ANKFN1: variants seen among roughly 807,000 people sequenced by gnomAD.
ANKFN1 encodes ankyrin repeat and fibronectin type-III domain-containing protein 1.
In ANKFN1, 74 loss-of-function variants were observed where a neutral mutation model predicts 108.7. The ratio of observed to expected loss-of-function variants is 0.68; its 90% CI spans 0.56 to 0.83. ANKFN1 has a LOEUF of 0.83. Ranked by LOEUF, ANKFN1 falls within the 40% of genes least tolerant of loss-of-function variation. The pLI, the probability that ANKFN1 is intolerant of heterozygous loss-of-function variation, is 0.00. For synonymous variants in ANKFN1, 547 were observed against 516.2 expected (o/e 1.06, Z -0.81); for missense variants, 1,505 against 1,382.3 (o/e 1.09, Z -1.41).
chr17:56,382,183 C>T (rs1300690401), intron 8 of ANKFN1, among the ~76,000 whole-genome samples: 2 of 152,146 alleles, frequency 1.3e-5, no homozygotes, highest in African/African-American at 4.8e-5. Flanking sequence ...ATTCAACATT[C>T]TTAAAGAAAA....
At chr17:56,497,532 T>G (rs1040643669) in intron 19 of ANKFN1, among the ~76,000 whole-genome samples, 10 of 152,132 alleles carry the variant, frequency 6.6e-5, no homozygotes, top group African/African-American at 2.4e-4. Flanking sequence ...AGGACCAGGT[T>G]TGTGGATATT....
chr17:56,498,824 G>A lies in ANKFN1; in HGVS notation c.2428-58G>A, dbSNP rs2051281469. On this transcript the variant is annotated intron_variant, in intron 19 of 20. Coordinates refer to ENST00000682825, the MANE Select transcript of ANKFN1 (RefSeq NM_001370326.1). Reference sequence around the variant, plus strand: ...GATCATCTTGGACTCTCAGGGAAATGTATTCCTTTTTAATCACTGCTTGAT... The same window carrying A: ...GATCATCTTGGACTCTCAGGGAAATATATTCCTTTTTAATCACTGCTTGAT... 3 of 1,383,376 alleles carry A rather than the reference G, an allele frequency of 2.2e-6. No individual in the cohort carries two copies. In the South Asian group the frequency reaches 3.7e-5, roughly 17 times the overall value. 85.7% of individuals were successfully genotyped at this position (1,383,376 alleles called of 1,614,324 possible).
chr17:56,100,231 G>T (rs1159920419), intron 4 of ANKFN1, among the ~76,000 whole-genome samples: 4 of 152,214 alleles, frequency 2.6e-5, no homozygotes, highest in African/African-American at 9.7e-5. Flanking sequence ...CTGCAAGGAA[G>T]TTGTTATACA....
intron 1 of ANKFN1, among the ~76,000 whole-genome samples, chr17:56,191,681 A>G (rs1413580053): frequency 3.0e-5 from 4 of 135,110 alleles, no homozygotes; most frequent in Non-Finnish European, 6.2e-5. Context: ...TGAATCTGAC[A>G]ATTATGTGTC....
chr17:56,507,625 C>T lies in ANKFN1; in HGVS notation c.2645-2848C>T, dbSNP rs544035556. On this transcript the variant is annotated intron_variant, in intron 20 of 20. Coordinates refer to ENST00000682825, the MANE Select transcript of ANKFN1 (RefSeq NM_001370326.1). ...CTCAACCTGTCCCAAATTAAACCAT[C>T]GATTCTACCACCCAACCCAAATCAG... 2.0e-5 allele frequency among the ~76,000 whole-genome samples: 3 copies of T among 152,308 alleles called. No individual in the cohort carries two copies. The South Asian group carries it at 6.2e-4, about 32-fold the overall frequency.
chr17:56,122,268 G>T (rs574997109), intron 4 of ANKFN1, among the ~76,000 whole-genome samples: 2 of 152,104 alleles, frequency 1.3e-5, no homozygotes, highest in Non-Finnish European at 2.9e-5. Context: ...GACCTTTATG[G>T]CTCCTTCAAA....
intron 8 of ANKFN1, among the ~76,000 whole-genome samples, chr17:56,410,751 T>C (rs2048067027): frequency 6.6e-6 from 1 of 152,182 alleles, no homozygotes; most frequent in South Asian, 2.1e-4. Flanking sequence ...CTTTCTACTC[T>C]GCTTCAGTGA....
At chr17:56,173,519 T>C (rs1278915843) in intron 1 of ANKFN1, among the ~76,000 whole-genome samples, 1 of 152,116 alleles carries the variant, frequency 6.6e-6, no homozygotes, top group Non-Finnish European at 1.5e-5. Flanking sequence ...CCCACAAGAA[T>C]AGAAATTATA....
intron 8 of ANKFN1, among the ~76,000 whole-genome samples, chr17:56,394,779 C>T (rs920357888): frequency 1.3e-5 from 2 of 152,154 alleles, no homozygotes; most frequent in Non-Finnish European, 2.9e-5. Flanking sequence ...GATGATAAGC[C>T]GCTTTCTAGG....
chr17:56,087,302 A>G (rs1026883648), intron 4 of ANKFN1, among the ~76,000 whole-genome samples: 3 of 151,508 alleles, frequency 2.0e-5, no homozygotes, highest in Non-Finnish European at 4.4e-5. Context: ...TGTGGGCTAC[A>G]CAGTAACTCT....
At chr17:56,292,101 A>C (rs1477000954) in intron 3 of ANKFN1, among the ~76,000 whole-genome samples, 1 of 152,182 alleles carries the variant, frequency 6.6e-6, no homozygotes, top group African/African-American at 2.4e-5. Flanking sequence ...AATGTCTGTT[A>C]CTAAGTAGTG....
intron 5 of ANKFN1, 148 bp downstream of exon 5, chr17:56,351,115 T>C: frequency 1.4e-6 from 1 of 724,984 alleles, no homozygotes; most frequent in Non-Finnish European, 2.2e-6. Flanking sequence ...GGGTAGTAAC[T>C]GTACATATTT....
chr17:56,232,324 A>G (rs779720667), intron 3 of ANKFN1, among the ~76,000 whole-genome samples: 31 of 152,290 alleles, frequency 2.0e-4, no homozygotes, highest in South Asian at 8.3e-4. Context: ...GAAAAAAACA[A>G]AAACAAAAAG....
intron 8 of ANKFN1, among the ~76,000 whole-genome samples, chr17:56,436,251 T>A (rs1430203271): frequency 6.6e-6 from 1 of 152,214 alleles, no homozygotes; most frequent in Non-Finnish European, 1.5e-5. Context: ...AATCACAGTG[T>A]GAGCCAGAGC....
chr17:56,049,874 C>G (rs1373391113), intron 4 of ANKFN1, among the ~76,000 whole-genome samples: 3 of 151,056 alleles, frequency 2.0e-5, no homozygotes, highest in Non-Finnish European at 4.4e-5. Context: ...GTCTTTATAG[C>G]AGCATGATTT....
intron 1 of ANKFN1, among the ~76,000 whole-genome samples, chr17:56,160,093 A>G (rs949516432): frequency 6.6e-6 from 1 of 152,194 alleles, no homozygotes; most frequent in African/African-American, 2.4e-5. Flanking sequence ...AGCAAAAGGG[A>G]GATTAATACA....
intron 15 of ANKFN1, among the ~76,000 whole-genome samples, chr17:56,476,692 A>C (rs552702286): frequency 6.6e-6 from 1 of 152,362 alleles, no homozygotes; most frequent in East Asian, 1.9e-4. Flanking sequence ...CAAGGATTTC[A>C]TAAGAGTGTG....
chr17:56,120,813 A>G (rs1403547641), intron 4 of ANKFN1, among the ~76,000 whole-genome samples: 1 of 152,156 alleles, frequency 6.6e-6, no homozygotes, highest in Admixed American at 6.5e-5. Flanking sequence ...ACTTCCTGGC[A>G]GTATGCTATT....
chr17:56,136,107 A>G (rs1018126911), intron 4 of ANKFN1, among the ~76,000 whole-genome samples: 1 of 152,194 alleles, frequency 6.6e-6, no homozygotes, highest in African/African-American at 2.4e-5. Context: ...GAAGAGTTTG[A>G]CCTGTGCCAT....
Sources: allele counts gnomAD v4.1 joint callset (sites outside exome capture counted in the v4.1 genomes callset), GRCh38; gene constraint gnomAD v4.1.1; transcripts MANE v1.5; gene names NCBI Gene and HGNC (gene_info 2026-07-23, HGNC 2026-07-21).